The following FMR1 variants were observed in gnomAD, a reference collection of about 807,000 sequenced individuals.
FMR1 encodes fragile X messenger ribonucleoprotein 1.
In FMR1, 13 loss-of-function variants were observed where a neutral mutation model predicts 50.6. That is an observed-to-expected ratio of 0.26 (90% CI 0.17 to 0.41). The LOEUF is 0.41. Ranked by LOEUF, FMR1 falls within the 10% of genes least tolerant of loss-of-function variation. The pLI, the probability that FMR1 is intolerant of heterozygous loss-of-function variation, is 1.00. For synonymous variants in FMR1, 138 were observed against 164.1 expected (o/e 0.84, Z 1.22); for missense variants, 316 against 491.3 (o/e 0.64, Z 3.37).
chrX:147,913,033 GTGTT>G (rs1263019913), intron 1 of FMR1: 3 of 228,873 alleles, frequency 1.3e-5, no homozygotes, highest in African/African-American at 5.7e-5. Flanking sequence ...TTGTGTGTGT[GTGTT>G]TAAGTTTCCA....
intron 13 of FMR1, among the ~76,000 whole-genome samples, chrX:147,942,619 CT>C (rs2044046439): frequency 8.9e-6 from 1 of 112,168 alleles, no homozygotes; most frequent in African/African-American, 3.2e-5. Flanking sequence ...AGTATATGTT[CT>C]TTTAAAACAA....
At chrX:147,922,907 A>C (rs2043234517) in intron 2 of FMR1, among the ~76,000 whole-genome samples, 2 of 111,625 alleles carry the variant, frequency 1.8e-5, no homozygotes, top group South Asian at 7.4e-4. Context: ...AATGTTGTAA[A>C]ATTGACTGGT....
chrX:147,918,449 T>TCAAA (rs2042979650), intron 1 of FMR1, among the ~76,000 whole-genome samples: 1 of 108,271 alleles, frequency 9.2e-6, no homozygotes, highest in Non-Finnish European at 1.9e-5. Flanking sequence ...CCTCATTAAC[T>TCAAA]CAAAGGCAGT....
At position 147,943,136 on chromosome X, in the gene FMR1, A is replaced by G; in HGVS notation, c.1281A>G (p.Val427=). Residue 427 remains valine (V), a synonymous_variant, in exon 14 of 17, where the codon GTA becomes GTG. Coordinates refer to ENST00000370475, the MANE Select transcript of FMR1 (RefSeq NM_002024.6). The stretch of plus-strand genomic sequence containing the variant: ...ATCTTGTATATTTTAAATAGGAAGT[A>G]GACCAGTTGCGTTTGGAGAGATTAC... ...LDYHLNYLKE[V]DQLRLERLQI... 1 of 1,203,826 alleles carries G rather than the reference A, an allele frequency of 8.3e-7. No homozygotes were observed. Among genetic ancestry groups the G allele is most frequent in the Non-Finnish European group, 1.1e-6 (1 of 888,189 alleles).
Position 147,949,289 on chromosome X carries a change from G to A in FMR1, c.*445G>A, listed in dbSNP as rs1603049980. On this transcript the variant is annotated 3_prime_UTR_variant, in exon 17 of 17. Transcript: ENST00000370475. ...CTATGTCATTTCATGTCCTGTGTCAGTTTATGTTTTGGTCCACTTTTCCAG... is the reference window on the plus strand; with the variant it reads ...CTATGTCATTTCATGTCCTGTGTCAATTTATGTTTTGGTCCACTTTTCCAG... 1 of 329,716 alleles carries A rather than the reference G, an allele frequency of 3.0e-6. No homozygotes were observed. The highest frequency in any genetic ancestry group is 5.9e-6 in the Non-Finnish European group (1 of 170,440). The allele number at this position is 329,716 out of a possible 1,213,427, so 27.2% of individuals were successfully genotyped here.
At position 147,912,060 on chromosome X, in the gene FMR1, C is replaced by CGGCGGCGGCGGCGGCGGCGGCGGCGGA. The variant is rs1569545047; in HGVS notation, c.-100_-99insCGGCGGAGGCGGCGGCGGCGGCGGCGG. ...GGGGCGTGCGGCAGCGCGGCGGCGG[C>CGGCGGCGGCGGCGGCGGCGGCGGCGGA]GGCGGCGGCGGCGGCGGCGGAGGCG... On this transcript the variant is annotated 5_prime_UTR_variant, in exon 1 of 17. Coordinates refer to ENST00000370475, the MANE Select transcript of FMR1 (RefSeq NM_002024.6). 8.7e-5 allele frequency: 15 copies of CGGCGGCGGCGGCGGCGGCGGCGGCGGA among 173,109 alleles called. No individual in the cohort carries two copies. The East Asian group carries it at 4.3e-3, about 49-fold the overall frequency. 14.3% of individuals were successfully genotyped at this position (173,109 alleles called of 1,213,427 possible). A position where few individuals can be genotyped will look rare whatever the true frequency, so the allele number is the denominator to read the frequency against.
intron 2 of FMR1, among the ~76,000 whole-genome samples, chrX:147,922,240 CAG>C (rs781976456): frequency 1.0e-3 from 114 of 111,411 alleles, no homozygotes; most frequent in Non-Finnish European, 1.3e-3. Context: ...AGAAAGAAAC[CAG>C]AGAGTCTTGT....
chrX:147,925,587 C>T lies in FMR1; in HGVS notation c.152C>T (p.Pro51Leu), dbSNP rs1473910950. 8.3e-7 allele frequency: 1 copy of T among 1,203,746 alleles called. No homozygotes were observed. Among genetic ancestry groups the T allele is most frequent in the Non-Finnish European group, 1.1e-6 (1 of 889,642 alleles). Reference protein sequence around the residue: ...QIPFHDVRFPPPVGYNKDINE... With the variant: ...QIPFHDVRFPLPVGYNKDINE... ...CCATTTCATGATGTCAGATTCCCAC[C>T]TCCTGTAGGTTATAATAAAGATATA... The change falls in exon 3 of 17, where the codon CCT (proline) becomes CTT (leucine). Residue 51 changes from proline (P) to leucine (L), a missense_variant. Pro to Leu is a moderately conservative substitution (Grantham distance 98, BLOSUM62 -3). Transcript: ENST00000370475.
intron 16 of FMR1, chrX:147,948,461 G>A: frequency 9.7e-7 from 1 of 1,033,385 alleles, no homozygotes; most frequent in Non-Finnish European, 1.2e-6. Flanking sequence ...TGGATGCAGT[G>A]AGATGACCAG....
At chrX:147,939,917 A>G (rs1331143346) in intron 12 of FMR1, among the ~76,000 whole-genome samples, 2 of 106,074 alleles carry the variant, frequency 1.9e-5, no homozygotes, top group African/African-American at 6.9e-5. Flanking sequence ...AAAAAAAAAA[A>G]AAAAGAGGCG....
At chrX:147,929,246 C>T (rs1325768223) in intron 5 of FMR1, among the ~76,000 whole-genome samples, 1 of 112,143 alleles carries the variant, frequency 8.9e-6, no homozygotes, top group Non-Finnish European at 1.9e-5. Context: ...TCTCATCTTA[C>T]AATCCTTGAT....
Position 147,938,138 on chromosome X carries a change from A to C in FMR1, c.1165A>C (p.Lys389Gln). 8.3e-7 allele frequency: 1 copy of C among 1,207,816 alleles called. No individual in the cohort carries two copies. The highest frequency in any genetic ancestry group is 1.1e-6 in the Non-Finnish European group (1 of 891,731). ...ATCAGTTGTAGCAGGGGAATCCCAG[A>C]AACCTGAACTCAAGGCTTGGCAGGT... ...ASSVVAGESQ[K>Q]PELKAWQGMV... The change falls in exon 12 of 17, where the codon AAA (lysine) becomes CAA (glutamine). Residue 389 changes from lysine to glutamine, a missense_variant. This residue lies in a region of FMR1 where 53 missense variants were observed against 51.5 expected (regional missense o/e 1.03). Coordinates refer to ENST00000370475, the MANE Select transcript of FMR1 (RefSeq NM_002024.6).
chrX:147,939,419 G>A (rs950130826), intron 12 of FMR1, among the ~76,000 whole-genome samples: 3 of 111,621 alleles, frequency 2.7e-5, no homozygotes, highest in African/African-American at 9.8e-5. Flanking sequence ...TTATTGAAAT[G>A]TGTATGGGCT....
chrX:147,940,866 T>C (rs782644279), intron 13 of FMR1, among the ~76,000 whole-genome samples: 22 of 111,952 alleles, frequency 2.0e-4, no homozygotes, highest in African/African-American at 7.1e-4. Flanking sequence ...AATATACCAG[T>C]TTTCAATAAA....
At chrX:147,933,676 G>T (rs1331058113) in intron 9 of FMR1, 1 of 785,573 alleles carries the variant, frequency 1.3e-6, no homozygotes, top group African/African-American at 2.2e-5. Context: ...AATAAAATTG[G>T]GACATACTGC....
intron 7 of FMR1, among the ~76,000 whole-genome samples, chrX:147,931,498 A>G (rs1419791861): frequency 8.9e-6 from 1 of 112,161 alleles, no homozygotes; most frequent in Non-Finnish European, 1.9e-5. Context: ...GAACAATGAG[A>G]AACTAGTATG....
intron 2 of FMR1, 128 bp from the exon 3 acceptor site, chrX:147,925,412 T>G (rs2043352290): frequency 1.8e-6 from 1 of 559,116 alleles, no homozygotes; most frequent in African/African-American, 2.3e-5. Flanking sequence ...CTGATGATTT[T>G]AAAGCTTTTG....
Position 147,932,680 on chromosome X carries a change from A to G in FMR1, c.802-5A>G. 1 of 1,206,559 alleles carries G rather than the reference A, an allele frequency of 8.3e-7. No individual in the cohort carries two copies. Among genetic ancestry groups the G allele is most frequent in the African/African-American group, 1.7e-5 (1 of 57,533 alleles). ...TTTGTCTTAAAATGTTTCCCCTTTT[A>G]TTAGGATCAGGATGCAGTGAAAAAA... is the stretch of plus-strand genomic sequence containing the variant. On this transcript the variant is annotated splice_polypyrimidine_tract_variant and splice_region_variant and intron_variant, in intron 8 of 16. Transcript: ENST00000370475.
At chrX:147,930,081 C>A (rs2043539983) in intron 6 of FMR1, 40 bp downstream of exon 6, 1 of 1,142,669 alleles carries the variant, frequency 8.8e-7, no homozygotes, top group Non-Finnish European at 1.2e-6. Flanking sequence ...TTTAATTCAT[C>A]TGGGGCAATT....
Sources: gnomAD v4.1 joint callset for allele counts (sites outside exome capture counted in the v4.1 genomes callset) on GRCh38, gnomAD v4.1.1 for gene constraint, gnomAD v4.1.1 regional missense constraint, MANE v1.5 for transcripts, NCBI Gene and HGNC (gene_info 2026-07-23, HGNC 2026-07-21) for gene names.